Variants in PTPRS observed in about 807,000 individuals in gnomAD.
PTPRS encodes receptor-type tyrosine-protein phosphatase S.
PTPRS carries 63 observed loss-of-function variants against 215.3 expected under a neutral mutation model. The observed-to-expected ratio is 0.29, with a 90% CI of 0.24 to 0.36. The LOEUF (loss-of-function observed/expected upper bound fraction) is 0.36, where lower values mean the gene tolerates loss of function less well. Among genes scored for constraint, PTPRS ranks in the 10% least tolerant of loss-of-function variants. PTPRS has a pLI of 1.00. For synonymous variants in PTPRS, 1,404 were observed against 1,191.4 expected (o/e 1.18, Z -3.68); for missense variants, 2,258 against 2,825.8 (o/e 0.80, Z 4.56).
rs1052022410 is a variant in PTPRS, at chr19:5,294,113, C to T, written c.-94-7879G>A. ...GGAGACCCAAGGGCTCCCGCGTCTG[C>T]TCCCATCCCTGGAAAAAACGCCTCT... On this transcript the variant is annotated intron_variant, in intron 1 of 37. Transcript: ENST00000262963. This position sits in a 1 kb window ranked among gnomAD's most constrained non-coding sequence, Gnocchi z 5.1. The T allele has an allele frequency of 6.6e-6, 1 of 152,274 alleles. No individual in the cohort carries two copies. The highest frequency in any genetic ancestry group is 1.5e-5 in the Non-Finnish European group (1 of 68,062). 9.4% of individuals were successfully genotyped at this position (152,274 alleles called of 1,614,324 possible). A position where few individuals can be genotyped will look rare whatever the true frequency, so the allele number is the denominator to read the frequency against.
chr19:5,298,628 G>A (rs558267359), intron 1 of PTPRS, among the ~76,000 whole-genome samples: 55 of 152,288 alleles, frequency 3.6e-4, no homozygotes, highest in Non-Finnish European at 6.3e-4. Flanking sequence ...CCAGGAGCCC[G>A]CCTCACCCAT....
intron 2 of PTPRS, among the ~76,000 whole-genome samples, chr19:5,279,958 C>T (rs1196611782): frequency 1.3e-4 from 20 of 152,066 alleles, no homozygotes. Flanking sequence ...GCTGGGATTA[C>T]AGGCGTGAGC....
chr19:5,235,951 G>A (rs1348921891), intron 13 of PTPRS, among the ~76,000 whole-genome samples: 1 of 152,176 alleles, frequency 6.6e-6, no homozygotes, highest in African/African-American at 2.4e-5. Flanking sequence ...TTTTCTGCAC[G>A]CCTACTGCAG....
In PTPRS at chr19:5,287,450, G is replaced by T. The variant is rs2048437309; in HGVS notation, c.-94-1216C>A. Among the ~76,000 whole-genome samples the T allele has an allele frequency of 6.6e-6, 1 of 152,112 alleles. No individual in the cohort carries two copies. The highest frequency in any genetic ancestry group is 2.4e-5 in the African/African-American group (1 of 41,426). ...GTCACATACCTTGAACCCTGGAATG[G>T]CCCCCTCCCCATCTCCCCAATCTCC... is the stretch of plus-strand genomic sequence containing the variant. On this transcript the variant is annotated intron_variant, in intron 1 of 37. Transcript: ENST00000262963. The surrounding 1 kb of genome is among the most constrained non-coding windows in gnomAD (Gnocchi z 4.8).
chr19:5,229,118 G>A (rs2042776927), intron 16 of PTPRS, among the ~76,000 whole-genome samples, 198 bp downstream of exon 16: 1 of 152,238 alleles, frequency 6.6e-6, no homozygotes, highest in African/African-American at 2.4e-5. Flanking sequence ...GCGCACAGTG[G>A]TCCGAGTATC....
At chr19:5,230,905 T>C (rs977160929) in intron 14 of PTPRS, among the ~76,000 whole-genome samples, 1 of 152,166 alleles carries the variant, frequency 6.6e-6, no homozygotes, top group Non-Finnish European at 1.5e-5. Context: ...GACGGGAACA[T>C]TTACACCATG....
intron 29 of PTPRS, 26 bp downstream of exon 29, chr19:5,214,535 T>C (rs1163842221): frequency 6.2e-7 from 1 of 1,612,250 alleles, no homozygotes; most frequent in African/African-American, 1.3e-5. Flanking sequence ...GGCAGGGGCT[T>C]GAGGGCCGTG....
chr19:5,239,723 G>T (rs1222248768), intron 12 of PTPRS, among the ~76,000 whole-genome samples: 1 of 150,458 alleles, frequency 6.6e-6, no homozygotes, highest in Non-Finnish European at 1.5e-5. Context: ...AGAGGAGAAA[G>T]AAACAGATAC....
Position 5,212,267 on chromosome 19 carries a change from G to A in PTPRS, c.4770-17C>T, listed in dbSNP as rs374142066. 228 of 1,608,788 alleles carry A rather than the reference G, an allele frequency of 1.4e-4. No homozygotes were observed. Among genetic ancestry groups the A allele is most frequent in the Middle Eastern group, 5.0e-4 (3 of 6,056 alleles). On this transcript the variant is annotated splice_polypyrimidine_tract_variant and intron_variant, in intron 31 of 37. Coordinates refer to ENST00000262963, the MANE Select transcript of PTPRS (RefSeq NM_002850.4). ...ACACCGGCACTGCAGGGACAGCCAC[G>A]TGGCGTTCAGGGGCTGCTGGGCTGC...
Position 5,286,389 on chromosome 19 carries a change from G to C in PTPRS, c.-94-155C>G, listed in dbSNP as rs573784737. On this transcript the variant is annotated intron_variant, in intron 1 of 37. Transcript: ENST00000262963. Reference sequence around the variant, plus strand: ...GGATCATGGGGTGATGGGATGGAATGAAAGTGCTGGGCCCTTGCTATAGAA... The same window carrying C: ...GGATCATGGGGTGATGGGATGGAATCAAAGTGCTGGGCCCTTGCTATAGAA... The C allele has an allele frequency of 6.0e-4, 319 of 531,984 alleles. 1 individual carries two copies. The highest frequency in any genetic ancestry group is 3.8e-4 in the Non-Finnish European group (110 of 292,484). 33.0% of individuals were successfully genotyped at this position (531,984 alleles called of 1,614,324 possible).
intron 3 of PTPRS, 75 bp downstream of exon 3, chr19:5,274,124 C>A: frequency 6.5e-7 from 1 of 1,545,274 alleles, no homozygotes; most frequent in South Asian, 1.2e-5. Flanking sequence ...CCACGAAGTC[C>A]ACTGTGGCTG....
chr19:5,316,485 C>G (rs766474385), intron 1 of PTPRS, among the ~76,000 whole-genome samples: 1 of 152,152 alleles, frequency 6.6e-6, no homozygotes, highest in Non-Finnish European at 1.5e-5. Flanking sequence ...CTCGGCCTCC[C>G]GGGTTCAAGC....
intron 16 of PTPRS, among the ~76,000 whole-genome samples, chr19:5,226,543 C>CA (rs527822951): frequency 3.7e-4 from 52 of 141,514 alleles, no homozygotes; most frequent in African/African-American, 1.4e-3. Context: ...CCAGCCTGGC[C>CA]AACATGGTGA....
intron 14 of PTPRS, 24 bp from the exon 15 acceptor site, chr19:5,229,708 G>A: frequency 5.7e-6 from 7 of 1,228,620 alleles, no homozygotes; most frequent in Non-Finnish European, 7.1e-6. Context: ...GGGGAGGGGA[G>A]GGGCGGGCGG....
chr19:5,305,765 A>ATATTT (rs1491188046), intron 1 of PTPRS, among the ~76,000 whole-genome samples: 7 of 93,440 alleles, frequency 7.5e-5, no homozygotes, highest in African/African-American at 2.7e-4. Flanking sequence ...ATATATATAT[A>ATATTT]TTTTTTTTTT....
At chr19:5,333,126 C>T (rs925483064) in intron 1 of PTPRS, among the ~76,000 whole-genome samples, 71 of 150,792 alleles carry the variant, frequency 4.7e-4, no homozygotes, top group African/African-American at 1.6e-3. Flanking sequence ...TCCAGCCTGG[C>T]GACAGAGCAA....
intron 1 of PTPRS, among the ~76,000 whole-genome samples, chr19:5,337,145 A>T (rs2050530663): frequency 6.6e-6 from 1 of 152,212 alleles, no homozygotes; most frequent in Non-Finnish European, 1.5e-5. Flanking sequence ...ATGGAGCTTA[A>T]TGGGTAGCAG....
chr19:5,332,673 C>T (rs561957495), intron 1 of PTPRS, among the ~76,000 whole-genome samples: 24 of 152,206 alleles, frequency 1.6e-4, no homozygotes, highest in Non-Finnish European at 3.2e-4. Flanking sequence ...CATCCTCCTG[C>T]GCAAGGCCCA....
intron 8 of PTPRS, among the ~76,000 whole-genome samples, chr19:5,256,563 T>C (rs1236910391): frequency 6.6e-6 from 1 of 152,054 alleles, no homozygotes; most frequent in Non-Finnish European, 1.5e-5. Context: ...CCACACCCGC[T>C]GTCCACACTC....
Sources: gnomAD v4.1 joint callset for allele counts (sites outside exome capture counted in the v4.1 genomes callset) on GRCh38, gnomAD v4.1.1 for gene constraint, Gnocchi (gnomAD v3.1) non-coding constraint, MANE v1.5 for transcripts, NCBI Gene and HGNC (gene_info 2026-07-23, HGNC 2026-07-21) for gene names.